Variants in SH3KBP1 observed in about 807,000 individuals in gnomAD.
The protein encoded by SH3KBP1 is SH3 domain-containing kinase-binding protein 1.
Under a neutral mutation model 50.1 loss-of-function variants are expected in SH3KBP1, and 8 were observed. The observed-to-expected ratio is 0.16, with a 90% CI of 0.09 to 0.29. The LOEUF (loss-of-function observed/expected upper bound fraction) is 0.29, where lower values mean the gene tolerates loss of function less well. SH3KBP1 is among the 10% of genes least tolerant of loss of function. The pLI, the probability that SH3KBP1 is intolerant of heterozygous loss-of-function variation, is 1.00. For missense variants in SH3KBP1, 377 were observed against 535.2 expected, an observed-to-expected ratio of 0.70 and a Z score of 2.92; for synonymous variants, 227 against 218.6, an observed-to-expected ratio of 1.04 and a Z score of -0.34.
At chrX:19,828,067 C>T (rs1365253645) in intron 2 of SH3KBP1, among the ~76,000 whole-genome samples, 1 of 110,662 alleles carries the variant, frequency 9.0e-6, no homozygotes, top group African/African-American at 3.3e-5. Flanking sequence ...ATTTAACTAA[C>T]ACTACTAGGA....
Position 19,607,960 on chromosome X carries a change from G to C in SH3KBP1, c.983C>G (p.Pro328Arg). 2 of 1,209,564 alleles carry C rather than the reference G, an allele frequency of 1.7e-6. No individual in the cohort carries two copies. Among genetic ancestry groups the C allele is most frequent in the Non-Finnish European group, 2.2e-6 (2 of 893,562 alleles). ...TACATTCCCTTCCTTTTCAAAGTCCGGTGGAAGTAACTTCACGAAGTTATC... is the reference window on the plus strand; with the variant it reads ...TACATTCCCTTCCTTTTCAAAGTCCCGTGGAAGTAACTTCACGAAGTTATC... Reference protein sequence around the residue: ...FPDNFVKLLPPDFEKEGNRPK... With the variant: ...FPDNFVKLLPRDFEKEGNRPK... The change falls in exon 9 of 18, where the codon CCG becomes CGG. Residue 328 changes from proline to arginine, a missense_variant. By Grantham distance (103) the Pro-to-Arg change is moderately radical. Transcript: ENST00000397821.
chrX:19,876,097 G>A (rs867960909), intron 1 of SH3KBP1, among the ~76,000 whole-genome samples: 2 of 112,360 alleles, frequency 1.8e-5, no homozygotes, highest in Middle Eastern at 4.6e-3. Context: ...GGTGGCTCAC[G>A]CCTGTAATCC....
At chrX:19,589,291 G>A (rs1569316267) in intron 11 of SH3KBP1, among the ~76,000 whole-genome samples, 1 of 112,334 alleles carries the variant, frequency 8.9e-6, no homozygotes. Flanking sequence ...TGTATGTGGT[G>A]CTGGCATGGA....
At chrX:19,661,729 C>T (rs1395043396) in intron 6 of SH3KBP1, among the ~76,000 whole-genome samples, 2 of 105,337 alleles carry the variant, frequency 1.9e-5, no homozygotes, top group African/African-American at 7.0e-5. Context: ...CGGGTTCAAA[C>T]AATTCTCCTG....
chrX:19,836,274 T>C lies in SH3KBP1; in HGVS notation c.13A>G (p.Ile5Val). The change falls in exon 2 of 18, where the codon ATA (isoleucine) becomes GTA (valine). Residue 5 changes from isoleucine (I) to valine (V), a missense_variant. Ile to Val is a conservative substitution (Grantham distance 29). Around this residue, in one of 3 missense-constraint regions of SH3KBP1, gnomAD observed 257 missense variants for 374.2 expected, o/e 0.69. Coordinates refer to ENST00000397821, the MANE Select transcript of SH3KBP1 (RefSeq NM_031892.3). MVEA[I>V]VEFDYQAQHD... The stretch of plus-strand genomic sequence containing the variant: ...TGGGCCTGGTAGTCAAACTCCACTA[T>C]GGCCTCCACTGGAAGGAACAGGGAA... The C allele has an allele frequency of 1.7e-6, 2 of 1,208,345 alleles. No individual in the cohort carries two copies. Among genetic ancestry groups the C allele is most frequent in the Non-Finnish European group, 1.1e-6 (1 of 893,165 alleles).
intron 2 of SH3KBP1, among the ~76,000 whole-genome samples, chrX:19,793,313 A>AT (rs1556379944): frequency 0.013 from 1,302 of 96,962 alleles, 30 homozygotes; most frequent in African/African-American, 0.046. Flanking sequence ...AGGAAAAAAA[A>AT]ATATATATAT....
chrX:19,630,711 T>C (rs1409997566), intron 8 of SH3KBP1, among the ~76,000 whole-genome samples: 1 of 112,021 alleles, frequency 8.9e-6, no homozygotes, highest in Admixed American at 9.4e-5. Flanking sequence ...ACCAGCTTTC[T>C]CCCTAAAACT....
intron 2 of SH3KBP1, among the ~76,000 whole-genome samples, chrX:19,752,082 A>G (rs1417611220): frequency 8.9e-6 from 1 of 112,469 alleles, no homozygotes; most frequent in African/African-American, 3.2e-5. Flanking sequence ...CTACACAGTA[A>G]AATACCAAAA....
chrX:19,687,370 C>T (rs1488614085), intron 5 of SH3KBP1, among the ~76,000 whole-genome samples: 1 of 112,413 alleles, frequency 8.9e-6, no homozygotes, highest in Non-Finnish European at 1.9e-5. Flanking sequence ...GGCTCATGCA[C>T]GCATATCACA....
chrX:19,729,734 A>C (rs1453369262), intron 3 of SH3KBP1, among the ~76,000 whole-genome samples: 1 of 111,134 alleles, frequency 9.0e-6, no homozygotes, highest in African/African-American at 3.3e-5. Context: ...AGAAGGATGG[A>C]GAGAGAGTCA....
At chrX:19,571,934 G>A (rs2066021531) in intron 12 of SH3KBP1, among the ~76,000 whole-genome samples, 1 of 109,613 alleles carries the variant, frequency 9.1e-6, no homozygotes. Flanking sequence ...ATGAAGTTTT[G>A]CTCATGAGTT....
At position 19,722,531 on chromosome X, in the gene SH3KBP1, GGTGTGT is replaced by G. The variant is rs59121045; in HGVS notation, c.287-15553_287-15548del. Among the ~76,000 whole-genome samples, 516 of 101,009 alleles carry G rather than the reference GGTGTGT, an allele frequency of 5.1e-3. 3 individuals carry two copies. The highest frequency in any genetic ancestry group is 0.018 in the African/African-American group (484 of 26,553). The allele number at this position is 101,009 out of a possible 115,157, so 87.7% of individuals were successfully genotyped here. A position where few individuals can be genotyped will look rare whatever the true frequency, so the allele number is the denominator to read the frequency against. On this transcript the variant is annotated intron_variant, in intron 3 of 17. Coordinates refer to ENST00000397821, the MANE Select transcript of SH3KBP1 (RefSeq NM_031892.3). Reference sequence around the variant, plus strand: ...GCTCCCAGCCCTACTCAGCTGCACTGGTGTGTGTGTGTGTGTGTGTGTGTGCGCGTG... The same window carrying G: ...GCTCCCAGCCCTACTCAGCTGCACTGGTGTGTGTGTGTGTGTGTGCGCGTG...
intron 8 of SH3KBP1, among the ~76,000 whole-genome samples, chrX:19,628,775 CA>C (rs1275196176): frequency 1.8e-5 from 2 of 111,508 alleles, no homozygotes; most frequent in African/African-American, 3.3e-5. Flanking sequence ...ATTAGCTATC[CA>C]AAAAAACCCA....
chrX:19,869,783 G>C (rs931325827), intron 1 of SH3KBP1, among the ~76,000 whole-genome samples: 12 of 112,403 alleles, frequency 1.1e-4, no homozygotes, highest in African/African-American at 3.9e-4. Context: ...CTCCTTCCAT[G>C]AATATGTTAT....
chrX:19,827,890 A>C (rs868729312), intron 2 of SH3KBP1, among the ~76,000 whole-genome samples: 13 of 101,247 alleles, frequency 1.3e-4, no homozygotes, highest in East Asian at 3.0e-4. Flanking sequence ...GTTAAACAAA[A>C]AAACAAACAA....
At chrX:19,694,020 A>G (rs1342705456) in intron 5 of SH3KBP1, among the ~76,000 whole-genome samples, 2 of 112,429 alleles carry the variant, frequency 1.8e-5, no homozygotes, top group African/African-American at 3.2e-5. Context: ...ACCTCCAAGC[A>G]ACTGATACTA....
chrX:19,643,856 A>G (rs755615597), intron 7 of SH3KBP1, among the ~76,000 whole-genome samples: 1 of 111,762 alleles, frequency 8.9e-6, no homozygotes, highest in South Asian at 3.8e-4. Flanking sequence ...CTCTGACTTC[A>G]CAGACAATGC....
intron 1 of SH3KBP1, among the ~76,000 whole-genome samples, chrX:19,847,004 G>C (rs1190101355): frequency 8.9e-6 from 1 of 111,768 alleles, no homozygotes; most frequent in Non-Finnish European, 1.9e-5. Context: ...TGAATCAGCT[G>C]TAAGAGGCAG....
At chrX:19,572,723 A>T (rs1180528255) in intron 12 of SH3KBP1, among the ~76,000 whole-genome samples, 1 of 111,289 alleles carries the variant, frequency 9.0e-6, no homozygotes, top group Non-Finnish European at 1.9e-5. Flanking sequence ...AAAGAACTAG[A>T]ATCTTTCATA....
Sources: allele counts gnomAD v4.1 joint callset (sites outside exome capture counted in the v4.1 genomes callset), GRCh38; gene constraint gnomAD v4.1.1; regional missense constraint gnomAD v4.1.1; transcripts MANE v1.5; gene names NCBI Gene and HGNC (gene_info 2026-07-23, HGNC 2026-07-21).